RIMBP2: variants seen among roughly 807,000 people sequenced by gnomAD.
RIMBP2 encodes RIMS-binding protein 2.
Under a neutral mutation model 118.6 loss-of-function variants are expected in RIMBP2, and 48 were observed. The ratio of observed to expected loss-of-function variants is 0.40; its 90% confidence interval spans 0.32 to 0.51. RIMBP2 has a LOEUF of 0.51. Among genes scored for constraint, RIMBP2 ranks in the 20% least tolerant of loss-of-function variants. The pLI is 0.41. For synonymous variants in RIMBP2, 762 were observed against 742.9 expected (o/e 1.03, Z -0.42); for missense variants, 1,551 against 1,768.3 (o/e 0.88, Z 2.20).
In RIMBP2 at chr12:130,447,649, G is replaced by A. The variant is rs1035353974; in HGVS notation, c.582-2380C>T. Among the ~76,000 whole-genome samples the A allele has an allele frequency of 3.9e-5, 6 of 152,176 alleles. No individual in the cohort carries two copies. The highest frequency in any genetic ancestry group is 1.4e-4 in the African/African-American group (6 of 41,442). On this transcript the variant is annotated intron_variant, in intron 9 of 22. Coordinates refer to ENST00000690449, the MANE Select transcript of RIMBP2 (RefSeq NM_001393629.1). This position sits in a 1 kb window ranked among gnomAD's most constrained non-coding sequence, Gnocchi z 4.4. ...CAGCAGTGGCCCTGGGCGGCACACTGCAAGTGGGTGAACTGTGCAGTGAGG... is the reference window on the plus strand; with the variant it reads ...CAGCAGTGGCCCTGGGCGGCACACTACAAGTGGGTGAACTGTGCAGTGAGG...
chr12:130,700,348 G>A (rs186912738), intron 1 of RIMBP2, among the ~76,000 whole-genome samples: 8 of 152,262 alleles, frequency 5.3e-5, no homozygotes, highest in South Asian at 2.1e-4. Flanking sequence ...TCTGCAAGAC[G>A]GTCAACCACG....
At chr12:130,540,362 GGTGAGCAGGGACCA>G (rs2054496617) in intron 2 of RIMBP2, among the ~76,000 whole-genome samples, 1 of 152,158 alleles carries the variant, frequency 6.6e-6, no homozygotes, top group Admixed American at 6.5e-5. Flanking sequence ...CAAGAAAGGA[GGTGAGCAGGGACCA>G]GTTTTGAAAT....
In RIMBP2 at chr12:130,438,383, C is replaced by T; in HGVS notation, c.1638G>A (p.Val546=). The T allele has an allele frequency of 8.0e-7, 1 of 1,251,368 alleles. No homozygotes were observed. The allele number at this position is 1,251,368 out of a possible 1,614,324, so 77.5% of individuals were successfully genotyped here. The change falls in exon 12 of 23, where the codon GTG becomes GTA. Residue 546 remains valine, a synonymous_variant. Coordinates refer to ENST00000690449, the MANE Select transcript of RIMBP2 (RefSeq NM_001393629.1). ...AACTCACCCTCTGCCCTTTGGCATACACGCCGTAGCCGGTAACGTTTGCGC... is the reference window on the plus strand; with the variant it reads ...AACTCACCCTCTGCCCTTTGGCATATACGCCGTAGCCGGTAACGTTTGCGC... ...SNGANVTGYG[V]YAKGQRVAEV...
intron 1 of RIMBP2, chr12:130,657,706 G>C (rs935942954): frequency 5.0e-5 from 4 of 80,502 alleles, no homozygotes; most frequent in Admixed American, 5.0e-4. Flanking sequence ...GCTGCGGGGG[G>C]CAGTGAGGGC....
chr12:130,575,567 A>C (rs2140119690), intron 2 of RIMBP2, among the ~76,000 whole-genome samples: 1 of 152,342 alleles, frequency 6.6e-6, no homozygotes, highest in South Asian at 2.1e-4. Context: ...TCCTGCCTGC[A>C]ACTGTCGGGC....
At chr12:130,432,129 C>T (rs1188052911) in intron 14 of RIMBP2, 4 of 425,178 alleles carry the variant, frequency 9.4e-6, no homozygotes, top group South Asian at 1.7e-5. Flanking sequence ...GCCTTTCCTC[C>T]GGGTTTGTAA....
intron 11 of RIMBP2, among the ~76,000 whole-genome samples, chr12:130,439,141 ATATGTGTG>A (rs1363159913): frequency 4.0e-5 from 6 of 151,880 alleles, no homozygotes; most frequent in East Asian, 1.9e-4. Flanking sequence ...GTGTGTGTGT[ATATGTGTG>A]TATGTGTGTG....
intron 4 of RIMBP2, among the ~76,000 whole-genome samples, chr12:130,482,034 C>G (rs2082060791): frequency 6.6e-6 from 1 of 152,088 alleles, no homozygotes; most frequent in Non-Finnish European, 1.5e-5. Context: ...GACAAGCCAC[C>G]AAGACAAACT....
intron 15 of RIMBP2, chr12:130,426,619 G>C (rs190275907): frequency 6.6e-6 from 1 of 152,276 alleles, no homozygotes; most frequent in Non-Finnish European, 1.5e-5. Flanking sequence ...TTGTGGATGG[G>C]AGAGGGAGGC....
intron 2 of RIMBP2, among the ~76,000 whole-genome samples, chr12:130,612,701 A>G (rs1225858688): frequency 6.6e-6 from 1 of 152,216 alleles, no homozygotes; most frequent in Non-Finnish European, 1.5e-5. Context: ...ACACAGCTCT[A>G]TGTCTTAAAC....
chr12:130,439,709 G>C (rs1340094999), intron 11 of RIMBP2, among the ~76,000 whole-genome samples: 1 of 131,930 alleles, frequency 7.6e-6, no homozygotes, highest in Non-Finnish European at 1.6e-5. Flanking sequence ...GTCTGTGGGG[G>C]TGTCGGTGGG....
chr12:130,644,983 G>C (rs1400025761), intron 1 of RIMBP2, among the ~76,000 whole-genome samples: 1 of 152,166 alleles, frequency 6.6e-6, no homozygotes, highest in Non-Finnish European at 1.5e-5. Flanking sequence ...CTCTCAAACT[G>C]TGAAATACTC....
chr12:130,438,336 C>CGGGGGG, intron 12 of RIMBP2, 29 bp downstream of exon 12: 2 of 844,138 alleles, frequency 2.4e-6, no homozygotes, highest in Non-Finnish European at 3.9e-6. Context: ...GCCTAACAAA[C>CGGGGGG]CCTCCCCACC....
intron 12 of RIMBP2, 30 bp downstream of exon 12, chr12:130,438,335 A>AGGGGGCCCCCCC: frequency 1.2e-6 from 1 of 865,014 alleles, no homozygotes; most frequent in Non-Finnish European, 1.9e-6. Context: ...GGCCTAACAA[A>AGGGGGCCCCCCC]CCCTCCCCAC....
intron 2 of RIMBP2, 69 bp from the exon 3 acceptor site, chr12:130,517,986 T>C: frequency 1.7e-6 from 1 of 579,946 alleles, no homozygotes; most frequent in South Asian, 7.6e-5. Context: ...GTGCAGTGGT[T>C]AGGAGCTCCA....
At chr12:130,593,489 C>A (rs1252502077) in intron 2 of RIMBP2, among the ~76,000 whole-genome samples, 1 of 152,202 alleles carries the variant, frequency 6.6e-6, no homozygotes, top group Non-Finnish European at 1.5e-5. Flanking sequence ...AAAAGAAAAC[C>A]TTTCTCTGCA....
At chr12:130,456,471 C>T (rs773648774) in intron 7 of RIMBP2, 25 bp downstream of exon 7, 2 of 1,540,328 alleles carry the variant, frequency 1.3e-6, no homozygotes, top group Non-Finnish European at 1.8e-6. Flanking sequence ...CCACCACAGC[C>T]AAGGCGGAAG....
At chr12:130,586,813 C>A (rs528442233) in intron 2 of RIMBP2, among the ~76,000 whole-genome samples, 1,768 of 96,362 alleles carry the variant, frequency 0.018, 19 homozygotes, top group Non-Finnish European at 0.027. Flanking sequence ...GCAACAAAAG[C>A]CAAAATTGAC....
chr12:130,569,928 G>T (rs1489070048), intron 2 of RIMBP2, among the ~76,000 whole-genome samples: 2 of 152,056 alleles, frequency 1.3e-5, no homozygotes, highest in Non-Finnish European at 2.9e-5. Context: ...TCTACTTAAT[G>T]GTTTATATAA....
Sources: allele counts gnomAD v4.1 joint callset (sites outside exome capture counted in the v4.1 genomes callset), GRCh38; gene constraint gnomAD v4.1.1; non-coding constraint Gnocchi (gnomAD v3.1); transcripts MANE v1.5; gene names NCBI Gene and HGNC (gene_info 2026-07-23, HGNC 2026-07-21).